Variants in MICU3 observed in about 807,000 individuals in gnomAD.
MICU3 encodes mitochondrial calcium uptake 3.
A neutral mutation model predicts 66.5 loss-of-function variants in MICU3; 62 were observed. The ratio of observed to expected loss-of-function variants is 0.93; its 90% CI spans 0.76 to 1.15. MICU3 has a LOEUF of 1.15. Among genes scored for constraint, MICU3 ranks in the 50% most tolerant of loss-of-function variants. The probability of loss-of-function intolerance (pLI) is 0.00; values close to 1 mark genes in which losing one functional copy is unlikely to be tolerated. For synonymous variants in MICU3, 308 were observed against 240.7 expected (o/e 1.28, Z -2.59); for missense variants, 779 against 664.4 (o/e 1.17, Z -1.90).
chr8:17,122,783 A>G (rs1803285856), downstream of MICU3: 1 of 152,016 alleles, frequency 6.6e-6, no homozygotes, highest in Non-Finnish European at 1.5e-5. Flanking sequence ...TGCTAATGAC[A>G]TTTATCTCAT....
At chr8:17,073,460 T>A (rs1166749538) in intron 3 of MICU3, among the ~76,000 whole-genome samples, 1 of 152,068 alleles carries the variant, frequency 6.6e-6, no homozygotes, top group South Asian at 2.1e-4. Flanking sequence ...CACCCCCAGA[T>A]AGGACCATCT....
the MICU3 span, among the ~76,000 whole-genome samples, chr8:17,134,906 C>T: frequency 1.3e-5 from 2 of 152,210 alleles, no homozygotes; most frequent in African/African-American, 4.8e-5. Context: ...ATCTGGGCAC[C>T]AAATGGCCCA....
intron 3 of MICU3, among the ~76,000 whole-genome samples, chr8:17,077,287 C>T (rs1257709068): frequency 6.6e-6 from 1 of 152,184 alleles, no homozygotes; most frequent in Non-Finnish European, 1.5e-5. Flanking sequence ...CGTTAAAATA[C>T]TCTTCATTCC....
chr8:17,066,544 T>TATATATATATATATATATATATATATA (rs1491234403), intron 2 of MICU3, among the ~76,000 whole-genome samples: 1 of 61,530 alleles, frequency 1.6e-5, no homozygotes, highest in African/African-American at 1.1e-4. Flanking sequence ...TATATATAGA[T>TATATATATATATATATATATATATATA]TTTTTTTTTT....
At chr8:17,049,660 T>A in intron 1 of MICU3, 1 of 516,710 alleles carries the variant, frequency 1.9e-6, no homozygotes, top group Admixed American at 1.9e-5. Flanking sequence ...CATTCCAATA[T>A]AACAAGTTGT....
chr8:17,117,195 G>A (rs910471715), intron 13 of MICU3, among the ~76,000 whole-genome samples: 4 of 151,722 alleles, frequency 2.6e-5, no homozygotes, highest in Admixed American at 1.3e-4. Context: ...CCAGGCTGAC[G>A]TTGAACTCCT....
At chr8:17,134,979 A>G in the MICU3 span, among the ~76,000 whole-genome samples, 2 of 152,234 alleles carry the variant, frequency 1.3e-5, no homozygotes, top group Non-Finnish European at 2.9e-5. Flanking sequence ...TCATTCAGTG[A>G]TAATTATTTG....
chr8:17,129,567 T>C, the MICU3 span, among the ~76,000 whole-genome samples: 1 of 151,996 alleles, frequency 6.6e-6, no homozygotes, highest in Non-Finnish European at 1.5e-5. Flanking sequence ...TCAGTAAACT[T>C]AAAGGCAGGG....
At chr8:17,034,261 T>A (rs1812585812) in intron 1 of MICU3, among the ~76,000 whole-genome samples, 1 of 152,230 alleles carries the variant, frequency 6.6e-6, no homozygotes, top group Non-Finnish European at 1.5e-5. Context: ...TATTGAGACC[T>A]GCTGCTTAGA....
At chr8:17,096,493 T>C (rs1346783322) in intron 8 of MICU3, among the ~76,000 whole-genome samples, 1 of 151,890 alleles carries the variant, frequency 6.6e-6, no homozygotes, top group African/African-American at 2.4e-5. Flanking sequence ...TATATAGGAA[T>C]CAGTGAGTGT....
intron 1 of MICU3, among the ~76,000 whole-genome samples, chr8:17,045,086 G>A (rs1239138289): frequency 1.3e-5 from 2 of 151,866 alleles, no homozygotes; most frequent in African/African-American, 4.8e-5. Context: ...ATAATCGGAG[G>A]TATCTGCTAG....
intron 1 of MICU3, among the ~76,000 whole-genome samples, chr8:17,038,846 G>A (rs1032174152): frequency 1.3e-5 from 2 of 152,042 alleles, no homozygotes; most frequent in Admixed American, 1.3e-4. Flanking sequence ...CCAGCTGCTC[G>A]GGAGGCTGAG....
intron 8 of MICU3, among the ~76,000 whole-genome samples, chr8:17,093,919 A>G (rs1234205): frequency 0.13 from 19,679 of 152,012 alleles, 1,606 homozygotes; most frequent in Admixed American, 0.2. Context: ...AAAATAAATA[A>G]TGATAAAATT....
intron 1 of MICU3, among the ~76,000 whole-genome samples, chr8:17,042,066 C>G (rs538287513): frequency 7.2e-5 from 11 of 152,268 alleles, no homozygotes; most frequent in African/African-American, 2.6e-4. Flanking sequence ...TAATTTTTAA[C>G]TTGCTCATGA....
the MICU3 span, among the ~76,000 whole-genome samples, chr8:17,130,114 T>C: frequency 6.6e-6 from 1 of 152,206 alleles, no homozygotes; most frequent in Non-Finnish European, 1.5e-5. Context: ...TAAAAGAACT[T>C]CTTTAGGCAA....
intron 3 of MICU3, among the ~76,000 whole-genome samples, chr8:17,075,641 G>A (rs1463850089): frequency 1.3e-5 from 2 of 152,158 alleles, no homozygotes; most frequent in African/African-American, 2.4e-5. Context: ...TGAATGTGTT[G>A]ATTGGATGAT....
intron 1 of MICU3, among the ~76,000 whole-genome samples, chr8:17,034,235 A>G (rs1399503307): frequency 6.6e-6 from 1 of 152,220 alleles, no homozygotes; most frequent in Non-Finnish European, 1.5e-5. Flanking sequence ...TGGTTTACTG[A>G]TTGTTTTAAG....
chr8:17,055,704 A>G (rs775092216), intron 1 of MICU3, among the ~76,000 whole-genome samples: 6 of 152,146 alleles, frequency 3.9e-5, no homozygotes, highest in Admixed American at 1.3e-4. Context: ...GGGTCTCTGA[A>G]TGACTATATA....
downstream of MICU3, among the ~76,000 whole-genome samples, chr8:17,124,700 C>T (rs1442958733): frequency 6.6e-6 from 1 of 151,698 alleles, no homozygotes; most frequent in Non-Finnish European, 1.5e-5. Context: ...TTTGAGATCT[C>T]GTGTGCTGAA....
Sources: gnomAD v4.1 joint callset for allele counts (sites outside exome capture counted in the v4.1 genomes callset) on GRCh38, gnomAD v4.1.1 for gene constraint, MANE v1.5 for transcripts, NCBI Gene and HGNC (gene_info 2026-07-23, HGNC 2026-07-21) for gene names.